KIAA1755: variants seen among roughly 807,000 people sequenced by gnomAD.
KIAA1755 encodes the protein uncharacterized protein KIAA1755.
KIAA1755 carries 68 observed loss-of-function variants against 91.7 expected under a neutral mutation model. The observed-to-expected ratio is 0.74, with a 90% CI of 0.61 to 0.91. The LOEUF is 0.91. Ranked by LOEUF, KIAA1755 falls within the 40% of genes least tolerant of loss-of-function variation. The probability of loss-of-function intolerance (pLI) is 0.00; values close to 1 mark genes in which losing one functional copy is unlikely to be tolerated. For missense variants in KIAA1755, 1,535 were observed against 1,494.4 expected, an observed-to-expected ratio of 1.03 and a Z score of -0.45; for synonymous variants, 610 against 604.6, an observed-to-expected ratio of 1.01 and a Z score of -0.13.
chr20:38,223,557 T>G lies in KIAA1755; in HGVS notation c.2249A>C (p.Asp750Ala), dbSNP rs746961703. ...QASIEEFEKA[D>A]PPGGMQEATR... ...GCTCACCTGCATCCCCCCAGGGGGGTCGGCCTTCTCGAATTCCTCGATGGA... is the reference window on the plus strand; with the variant it reads ...GCTCACCTGCATCCCCCCAGGGGGGGCGGCCTTCTCGAATTCCTCGATGGA... The change falls in exon 9 of 14, where the codon GAC becomes GCC. Residue 750 changes from aspartate (D) to alanine (A), a missense_variant. Asp to Ala is a moderately radical substitution (Grantham distance 126). Transcript: ENST00000279024. The G allele has an allele frequency of 1.4e-5, 23 of 1,594,258 alleles. No individual in the cohort carries two copies. In the Middle Eastern group the frequency reaches 5.0e-4, roughly 35 times the overall value.
chr20:38,232,468 AT>A (rs1413397419), intron 4 of KIAA1755, among the ~76,000 whole-genome samples: 9 of 152,086 alleles, frequency 5.9e-5, no homozygotes, highest in Admixed American at 2.0e-4. Context: ...CTACTAAAAA[AT>A]ACAAAAAAAT....
chr20:38,229,411 G>C (rs1486022286), intron 5 of KIAA1755, among the ~76,000 whole-genome samples: 1 of 152,254 alleles, frequency 6.6e-6, no homozygotes, highest in East Asian at 1.9e-4. Context: ...GTGGCAGATA[G>C]TGACAGGAGG....
At chr20:38,222,315 A>G in intron 10 of KIAA1755, 134 bp downstream of exon 10, 1 of 890,210 alleles carries the variant, frequency 1.1e-6, no homozygotes, top group Non-Finnish European at 1.7e-6. Context: ...CCTGGGATAC[A>G]GGCCCTGCAA....
At chr20:38,253,823 C>T (rs978111693) in intron 1 of KIAA1755, among the ~76,000 whole-genome samples, 1 of 152,192 alleles carries the variant, frequency 6.6e-6, no homozygotes, top group African/African-American at 2.4e-5. Flanking sequence ...GGCTGGTTCC[C>T]TTTGTAAATG....
chr20:38,238,376 G>A (rs1480830888), intron 4 of KIAA1755, among the ~76,000 whole-genome samples: 1 of 152,238 alleles, frequency 6.6e-6, no homozygotes, highest in Non-Finnish European at 1.5e-5. Flanking sequence ...AAGTAAAATA[G>A]TATTTCAGGA....
At chr20:38,253,250 C>T (rs189072525) in intron 1 of KIAA1755, among the ~76,000 whole-genome samples, 22 of 152,324 alleles carry the variant, frequency 1.4e-4, no homozygotes, top group Admixed American at 9.8e-4. Context: ...ACCTTCTGGA[C>T]TGACCCAGGG....
chr20:38,228,197 T>C lies in KIAA1755; in HGVS notation c.1915A>G (p.Arg639Gly). The change falls in exon 6 of 14, where the codon AGG becomes GGG. Residue 639 changes from arginine (R) to glycine (G), a missense_variant. By Grantham distance (125) the Arg-to-Gly change is moderately radical. Transcript: ENST00000279024. ...AKGLAVLIDA[R>G]RQPPQPGLVS... ...AGACCGGGCTGTGGGGGCTGTCTCCTGGCGTCAATCAGGACCGCCAGCCCC... is the reference window on the plus strand; with the variant it reads ...AGACCGGGCTGTGGGGGCTGTCTCCCGGCGTCAATCAGGACCGCCAGCCCC... The C allele has an allele frequency of 1.9e-6, 3 of 1,604,930 alleles. No homozygotes were observed. The highest frequency in any genetic ancestry group is 2.6e-6 in the Non-Finnish European group (3 of 1,176,210).
intron 1 of KIAA1755, chr20:38,260,060 C>T (rs1033216287): frequency 2.9e-5 from 14 of 482,628 alleles, no homozygotes; most frequent in Non-Finnish European, 4.2e-5. Context: ...CCCTCCTCGC[C>T]CTGCACTGCC....
chr20:38,244,129 C>T lies in KIAA1755; in HGVS notation c.201+1800G>A, dbSNP rs6123507. 6.4e-3 allele frequency among the ~76,000 whole-genome samples: 973 copies of T among 152,178 alleles called. 11 individuals carry two copies. The highest frequency in any genetic ancestry group is 0.062 in the East Asian group (317 of 5,154). ...ACTCACCTACAAGGAAAAATAAAGA[C>T]GCGGAAATGTTGTTACCTTGAGGAA... is the stretch of plus-strand genomic sequence containing the variant. On this transcript the variant is annotated intron_variant, in intron 2 of 13. Coordinates refer to ENST00000279024, the MANE Select transcript of KIAA1755 (RefSeq NM_001029864.2).
chr20:38,213,761 A>T lies in KIAA1755; in HGVS notation c.2902-18T>A. 1 of 1,439,040 alleles carries T rather than the reference A, an allele frequency of 6.9e-7. No individual in the cohort carries two copies. The highest frequency in any genetic ancestry group is 1.4e-5 in the African/African-American group (1 of 70,494). 89.1% of individuals were successfully genotyped at this position (1,439,040 alleles called of 1,614,324 possible). Reference sequence around the variant, plus strand: ...CAGGTCATCTGGGGGACAAGAAGAGAGGGAGGTGGGGGCTCAGGCTGGAAG... The same window carrying T: ...CAGGTCATCTGGGGGACAAGAAGAGTGGGAGGTGGGGGCTCAGGCTGGAAG... On this transcript the variant is annotated intron_variant, in intron 13 of 13. Coordinates refer to ENST00000279024, the MANE Select transcript of KIAA1755 (RefSeq NM_001029864.2).
chr20:38,218,775 A>C (rs1230712565), intron 11 of KIAA1755, among the ~76,000 whole-genome samples: 1 of 151,182 alleles, frequency 6.6e-6, no homozygotes, highest in Non-Finnish European at 1.5e-5. Context: ...ACAGTGCTGG[A>C]GAAGAAGCTG....
intron 13 of KIAA1755, among the ~76,000 whole-genome samples, chr20:38,214,443 C>T (rs776838465): frequency 2.6e-5 from 4 of 152,220 alleles, no homozygotes; most frequent in Non-Finnish European, 4.4e-5. Flanking sequence ...GCTTATTGAG[C>T]ACTGACCGTT....
Position 38,241,239 on chromosome 20 carries a change from T to A in KIAA1755, c.892A>T (p.Ser298Cys), listed in dbSNP as rs2123235827. 6.2e-7 allele frequency: 1 copy of A among 1,614,190 alleles called. No individual in the cohort carries two copies. Among genetic ancestry groups the A allele is most frequent in the Non-Finnish European group, 8.5e-7 (1 of 1,180,032 alleles). Residue 298 changes from serine to cysteine, a missense_variant, in exon 3 of 14, where the codon AGT becomes TGT. Coordinates refer to ENST00000279024, the MANE Select transcript of KIAA1755 (RefSeq NM_001029864.2). Reference sequence around the variant, plus strand: ...TCTAGTGCCCCAGAAGTACACCCACTGGATGTGCCTGCCTCCCTACTGGGA... The same window carrying A: ...TCTAGTGCCCCAGAAGTACACCCACAGGATGTGCCTGCCTCCCTACTGGGA... ...ESPSREAGTSSGCTSGALEEI... is the reference protein window; with the variant it reads ...ESPSREAGTSCGCTSGALEEI...
chr20:38,223,567 CG>C lies in KIAA1755; in HGVS notation c.2238del (p.Phe746LeufsTer17), dbSNP rs771285466. On this transcript the variant is annotated frameshift_variant, in exon 9 of 14. Transcript: ENST00000279024. LOFTEE classifies it high-confidence loss of function. ...ATCCCCCCAGGGGGGTCGGCCTTCT[CG>C]AATTCCTCGATGGAAGCTTGTAGCA... ...SSLLQASIEE[F>X]EKADPPGGMQ... is the part of the protein sequence containing the mutation. 2.1e-5 allele frequency: 33 copies of C among 1,600,000 alleles called. No homozygotes were observed. The highest frequency in any genetic ancestry group is 2.6e-5 in the Non-Finnish European group (31 of 1,174,636).
chr20:38,260,160 C>T, intron 1 of KIAA1755: 1 of 1,347,788 alleles, frequency 7.4e-7, no homozygotes, highest in Non-Finnish European at 9.7e-7. Context: ...ACAGTCAGTT[C>T]CAAAACAAAC....
intron 4 of KIAA1755, chr20:38,233,126 A>C (rs1250300825): frequency 6.6e-6 from 1 of 152,138 alleles, no homozygotes; most frequent in African/African-American, 2.4e-5. Flanking sequence ...GTCTCAAAAG[A>C]AATTTTTTTT....
At chr20:38,236,251 T>G (rs1187652555) in intron 4 of KIAA1755, among the ~76,000 whole-genome samples, 1 of 152,166 alleles carries the variant, frequency 6.6e-6, no homozygotes, top group African/African-American at 2.4e-5. Context: ...AGTCCATATT[T>G]GGGCATGCTA....
Position 38,213,750 on chromosome 20 carries a change from G to A in KIAA1755, c.2902-7C>T, listed in dbSNP as rs2075495828. 6 of 1,451,212 alleles carry A rather than the reference G, an allele frequency of 4.1e-6. No homozygotes were observed. Among genetic ancestry groups the A allele is most frequent in the Non-Finnish European group, 4.5e-6 (5 of 1,102,082 alleles). 89.9% of individuals were successfully genotyped at this position (1,451,212 alleles called of 1,614,324 possible). ...CCATGTGGAACCAGGTCATCTGGGG[G>A]ACAAGAAGAGAGGGAGGTGGGGGCT... On this transcript the variant is annotated splice_region_variant and splice_polypyrimidine_tract_variant and intron_variant, in intron 13 of 13. Transcript: ENST00000279024.
At position 38,213,374 on chromosome 20, in the gene KIAA1755, C is replaced by T. The variant is rs1276118386; in HGVS notation, c.3271G>A (p.Asp1091Asn). The change falls in exon 14 of 14, where the codon GAT (aspartate) becomes AAT (asparagine). Residue 1091 changes from aspartate (D) to asparagine (N), a missense_variant. Coordinates refer to ENST00000279024, the MANE Select transcript of KIAA1755 (RefSeq NM_001029864.2). ...CCCAGTGAGTCTAGTGGAGGCTGAT[C>T]CCACCTCCCCTTGGAAGTGACCTCT... Reference protein sequence around the residue: ...SVEVTSKGRWDQPPLDSLGMD... With the variant: ...SVEVTSKGRWNQPPLDSLGMD... 2 of 1,604,774 alleles carry T rather than the reference C, an allele frequency of 1.2e-6. No individual in the cohort carries two copies. Among genetic ancestry groups the T allele is most frequent in the Non-Finnish European group, 1.7e-6 (2 of 1,175,216 alleles).
Sources: allele counts gnomAD v4.1 joint callset (sites outside exome capture counted in the v4.1 genomes callset), GRCh38; gene constraint gnomAD v4.1.1; transcripts MANE v1.5; gene names NCBI Gene and HGNC (gene_info 2026-07-23, HGNC 2026-07-21).